The following HPS5 variants were observed in gnomAD, a reference collection of about 807,000 sequenced individuals.
The protein encoded by HPS5 is HPS5 biogenesis of lysosomal organelles complex 2 subunit 2.
In HPS5, 83 loss-of-function variants were observed where a neutral mutation model predicts 128.0. The observed-to-expected ratio is 0.65, with a 90% CI of 0.54 to 0.78. The LOEUF is 0.78. Ranked by LOEUF, HPS5 falls within the 30% of genes least tolerant of loss-of-function variation. The pLI, the probability that HPS5 is intolerant of heterozygous loss-of-function variation, is 0.00. For synonymous variants in HPS5, 475 were observed against 470.2 expected, an observed-to-expected ratio of 1.01 and a Z score of -0.13; for missense variants, 1,281 against 1,326.2, an observed-to-expected ratio of 0.97 and a Z score of 0.53.
chr11:18,293,424 G>A (rs1030437836), intron 14 of HPS5, among the ~76,000 whole-genome samples: 3 of 152,036 alleles, frequency 2.0e-5, no homozygotes, highest in South Asian at 2.1e-4. Flanking sequence ...CACCTGCCTC[G>A]GCCTCCTAAA....
rs1247491080 is a variant in HPS5, at chr11:18,291,407, A to G, written c.2440+35T>C. ...AAAACTGCTAATGTTTTTTAATACG[A>G]ATTTCTATCTTTGATAAGGCAATCT... On this transcript the variant is annotated intron_variant, in intron 16 of 22. Transcript: ENST00000349215. 4 of 1,386,540 alleles carry G rather than the reference A, an allele frequency of 2.9e-6. No individual in the cohort carries two copies. In the African/African-American group the frequency reaches 4.3e-5, roughly 15 times the overall value. The allele number at this position is 1,386,540 out of a possible 1,614,324, so 85.9% of individuals were successfully genotyped here. A position where few individuals can be genotyped will look rare whatever the true frequency, so the allele number is the denominator to read the frequency against.
At chr11:18,319,311 AT>A (rs58359222) in intron 1 of HPS5, among the ~76,000 whole-genome samples, 96,921 of 150,562 alleles carry the variant, frequency 0.64, 32,260 homozygotes, top group East Asian at 0.96. Flanking sequence ...TAAGGGAAAC[AT>A]AAGCAAACTG....
chr11:18,305,247 G>A (rs968377678), intron 8 of HPS5, among the ~76,000 whole-genome samples, 175 bp downstream of exon 8: 1 of 152,148 alleles, frequency 6.6e-6, no homozygotes, highest in South Asian at 2.1e-4. Context: ...TGTATTTCTA[G>A]GATCTTTCCA....
intron 18 of HPS5, 155 bp from the exon 19 acceptor site, chr11:18,286,865 G>T: frequency 1.1e-6 from 1 of 905,944 alleles, no homozygotes; most frequent in Non-Finnish European, 1.7e-6. Flanking sequence ...AAATGCTGGT[G>T]ACCAAGCTCC....
At chr11:18,306,399 AAAC>A (rs751595531) in intron 6 of HPS5, 52 bp from the exon 7 acceptor site, 4 of 1,278,350 alleles carry the variant, frequency 3.1e-6, no homozygotes, top group Non-Finnish European at 4.5e-6. Context: ...AAAAAGTCAA[AAAC>A]AACGGCACTA....
chr11:18,309,315 A>C (rs551674512), intron 5 of HPS5, among the ~76,000 whole-genome samples: 13 of 152,356 alleles, frequency 8.5e-5, no homozygotes, highest in African/African-American at 2.9e-4. Flanking sequence ...TGATTATCTA[A>C]TCTTAGAGGT....
chr11:18,285,681 TTC>T (rs778874901), intron 19 of HPS5, among the ~76,000 whole-genome samples: 30 of 152,296 alleles, frequency 2.0e-4, no homozygotes, highest in Non-Finnish European at 4.1e-4. Context: ...AAGAAATAAA[TTC>T]TTTTTTCTTC....
At position 18,296,005 on chromosome 11, in the gene HPS5, T is replaced by G. The variant is rs767132037; in HGVS notation, c.1628A>C (p.Lys543Thr). The G allele has an allele frequency of 6.2e-7, 1 of 1,613,582 alleles. No individual in the cohort carries two copies. Among genetic ancestry groups the G allele is most frequent in the Non-Finnish European group, 8.5e-7 (1 of 1,179,580 alleles). ...ACAAGACTAATTGGTTTACCTTTCT[T>G]TGACAGCCTGAAGAGACACAAGAGG... ...PSPLVSLQAV[K>T]ESVSSFVRKT... The change falls in exon 13 of 23, where the codon AAA becomes ACA. Residue 543 changes from lysine to threonine, a missense_variant. Transcript: ENST00000349215.
intron 7 of HPS5, among the ~76,000 whole-genome samples, chr11:18,305,782 G>C (rs1290181420): frequency 6.7e-6 from 1 of 149,420 alleles, no homozygotes; most frequent in Non-Finnish European, 1.5e-5. Context: ...ACCCACGCTG[G>C]AGTGCAGTGG....
intron 1 of HPS5, among the ~76,000 whole-genome samples, chr11:18,318,790 C>A (rs780415650): frequency 6.6e-6 from 1 of 152,142 alleles, no homozygotes; most frequent in Non-Finnish European, 1.5e-5. Context: ...TCATGCTTTA[C>A]GTTTTTGACT....
At chr11:18,297,786 G>C in intron 10 of HPS5, 69 bp from the exon 11 acceptor site, 1 of 1,476,314 alleles carries the variant, frequency 6.8e-7, no homozygotes, top group Non-Finnish European at 9.4e-7. Context: ...CCAATATATT[G>C]AAAGAGGTCT....
chr11:18,283,781 T>C lies in HPS5; in HGVS notation c.3058+14A>G, dbSNP rs768701684. On this transcript the variant is annotated intron_variant, in intron 21 of 22. Coordinates refer to ENST00000349215, the MANE Select transcript of HPS5 (RefSeq NM_181507.2). ...AAATTGACAACCAAGAGTAACCAGT[T>C]AGGATTGACATACCATTGTCCCCTT... 5.7e-5 allele frequency: 89 copies of C among 1,571,718 alleles called. No individual in the cohort carries two copies. The highest frequency in any genetic ancestry group is 7.7e-5 in the Non-Finnish European group (88 of 1,142,176).
chr11:18,305,902 GT>G (rs1862300353), intron 7 of HPS5, among the ~76,000 whole-genome samples: 1 of 151,432 alleles, frequency 6.6e-6, no homozygotes, highest in African/African-American at 2.4e-5. Context: ...GCTAAATTTT[GT>G]TTGTATTTTT....
intron 8 of HPS5, among the ~76,000 whole-genome samples, chr11:18,304,847 T>G (rs928269898): frequency 1.3e-5 from 2 of 152,258 alleles, no homozygotes; most frequent in Non-Finnish European, 2.9e-5. Flanking sequence ...GGTGTAAGAA[T>G]TGGCAGGTCC....
At chr11:18,296,472 T>A (rs1861081429) in intron 12 of HPS5, 1 of 570,034 alleles carries the variant, frequency 1.8e-6, no homozygotes, top group East Asian at 3.0e-5. Flanking sequence ...AATTTTTCAA[T>A]CCTGATGAAA....
At chr11:18,311,295 G>T in intron 4 of HPS5, 92 bp downstream of exon 4, 1 of 934,252 alleles carries the variant, frequency 1.1e-6, no homozygotes, top group Non-Finnish European at 1.7e-6. Flanking sequence ...ACAATCCTAG[G>T]CAAACCAGGA....
At chr11:18,300,754 A>G (rs1861611287) in intron 9 of HPS5, 74 bp downstream of exon 9, 3 of 760,240 alleles carry the variant, frequency 3.9e-6, no homozygotes, top group Non-Finnish European at 2.2e-6. Context: ...TTCTTAAATT[A>G]CAAGAGAATG....
At chr11:18,285,295 A>C (rs1240813921) in intron 20 of HPS5, 51 bp downstream of exon 20, 2 of 1,127,466 alleles carry the variant, frequency 1.8e-6, no homozygotes, top group Non-Finnish European at 2.7e-6. Flanking sequence ...TAAAGTTGTT[A>C]ACTGAAATGT....
rs1754346895 is a variant in HPS5, at chr11:18,322,097, G to C, written c.-201C>G. On this transcript the variant is annotated 5_prime_UTR_variant, in exon 1 of 23. Transcript: ENST00000349215. ...AGTACCTCGCAGCTCTCAGTAGATC[G>C]GATCTTGTCTCCCGGCTTAGCGCCG... The C allele has an allele frequency of 1.3e-5, 2 of 152,426 alleles. No individual in the cohort carries two copies. Among genetic ancestry groups the C allele is most frequent in the Non-Finnish European group, 1.5e-5 (1 of 68,092 alleles). The allele number at this position is 152,426 out of a possible 1,614,324, so 9.4% of individuals were successfully genotyped here. A position where few individuals can be genotyped will look rare whatever the true frequency, so the allele number is the denominator to read the frequency against.
Sources: allele counts gnomAD v4.1 joint callset (sites outside exome capture counted in the v4.1 genomes callset), GRCh38; gene constraint gnomAD v4.1.1; transcripts MANE v1.5; gene names NCBI Gene and HGNC (gene_info 2026-07-23, HGNC 2026-07-21).